Variants in FAM222A observed in about 807,000 individuals in gnomAD.
FAM222A encodes the protein protein FAM222A.
In FAM222A, 7 loss-of-function variants were observed where a neutral mutation model predicts 25.8. That is an observed-to-expected ratio of 0.27 (90% CI 0.15 to 0.51). The LOEUF (loss-of-function observed/expected upper bound fraction) is 0.51. Ranked by LOEUF, FAM222A falls within the 20% of genes least tolerant of loss-of-function variation. FAM222A has a pLI of 0.97. For missense variants in FAM222A, 573 were observed against 640.5 expected, an observed-to-expected ratio of 0.89 and a Z score of 1.14; for synonymous variants, 294 against 298.8, an observed-to-expected ratio of 0.98 and a Z score of 0.17.
At chr12:109,731,136 T>C (rs1887939239) in intron 1 of FAM222A, among the ~76,000 whole-genome samples, 1 of 152,146 alleles carries the variant, frequency 6.6e-6, no homozygotes, top group Admixed American at 6.5e-5. Context: ...GGTTTTTGCC[T>C]TAGCTGAGGT....
intron 1 of FAM222A, among the ~76,000 whole-genome samples, chr12:109,723,031 T>C (rs1887778499): frequency 6.6e-6 from 1 of 152,002 alleles, no homozygotes; most frequent in Non-Finnish European, 1.5e-5. Context: ...CAGGGCCTTA[T>C]TTCTTTTCAT....
rs530518665 is a variant in FAM222A at position 109,751,883 on chromosome 12, C to T, written c.82+7655C>T. Among the ~76,000 whole-genome samples, 3 of 152,260 alleles carry T rather than the reference C, an allele frequency of 2.0e-5. No homozygotes were observed. In the East Asian group the frequency reaches 5.8e-4, roughly 29 times the overall value. ...TCTCTGCTACTATTGGAAGCCTGTT[C>T]TTTTTTGTTTAGGGGTTTAGCAGCT... On this transcript the variant is annotated intron_variant, in intron 2 of 2. Coordinates refer to ENST00000538780, the MANE Select transcript of FAM222A (RefSeq NM_032829.3).
rs968718388 is a variant in FAM222A at position 109,756,804 on chromosome 12, T to C, written c.83-11208T>C. Among the ~76,000 whole-genome samples, 7 of 152,192 alleles carry C rather than the reference T, an allele frequency of 4.6e-5. 1 individual carries two copies. The highest frequency in any genetic ancestry group is 2.0e-4 in the Admixed American group (3 of 15,282). ...TTCATAATGGCTATATGGTCCATAG[T>C]TTTTTTGTGTGTAATATCTTTGTCT... is the stretch of plus-strand genomic sequence containing the variant. On this transcript the variant is annotated intron_variant, in intron 2 of 2. Transcript: ENST00000538780.
rs114229679 is a variant in FAM222A at position 109,743,590 on chromosome 12, G to A, written c.-46-511G>A. Among the ~76,000 whole-genome samples, 1,503 of 152,322 alleles carry A rather than the reference G, an allele frequency of 9.9e-3. 16 individuals are homozygous for A. The highest frequency in any genetic ancestry group is 0.035 in the African/African-American group (1,445 of 41,576). Reference sequence around the variant, plus strand: ...ATCCTGACATCTCCCCTCCAGGGGGGCTATGAGGATGCCCTGGGCGGGAGA... The same window carrying A: ...ATCCTGACATCTCCCCTCCAGGGGGACTATGAGGATGCCCTGGGCGGGAGA... On this transcript the variant is annotated intron_variant, in intron 1 of 2. Transcript: ENST00000538780.
At chr12:109,763,469 G>A (rs1269001328) in intron 2 of FAM222A, among the ~76,000 whole-genome samples, 1 of 152,216 alleles carries the variant, frequency 6.6e-6, no homozygotes, top group South Asian at 2.1e-4. Flanking sequence ...ATTGGCCAGG[G>A]CTGCACTCTC....
intron 1 of FAM222A, among the ~76,000 whole-genome samples, chr12:109,722,147 G>A (rs185317322): frequency 5.2e-4 from 79 of 152,336 alleles, no homozygotes; most frequent in African/African-American, 1.4e-3. Context: ...CGTCCGGGTG[G>A]AGGGAACAGC....
intron 2 of FAM222A, among the ~76,000 whole-genome samples, chr12:109,767,021 AAGTAGCT>A (rs1447953326): frequency 6.6e-6 from 1 of 151,030 alleles, no homozygotes; most frequent in Non-Finnish European, 1.5e-5. Context: ...TCAGCCTCCA[AAGTAGCT>A]AGGACTATAG....
chr12:109,745,793 A>G (rs1416172134), intron 2 of FAM222A, among the ~76,000 whole-genome samples: 1 of 152,196 alleles, frequency 6.6e-6, no homozygotes, highest in Non-Finnish European at 1.5e-5. Flanking sequence ...GGTGTGAGCC[A>G]CTGCACCTGG....
intron 2 of FAM222A, among the ~76,000 whole-genome samples, chr12:109,747,194 A>C (rs1888425385): frequency 6.6e-6 from 1 of 152,168 alleles, no homozygotes; most frequent in Non-Finnish European, 1.5e-5. Context: ...CCCAGGTTCA[A>C]GTGATTCTCC....
chr12:109,718,674 G>T (rs1887693682), intron 1 of FAM222A, among the ~76,000 whole-genome samples: 1 of 152,248 alleles, frequency 6.6e-6, no homozygotes, highest in Non-Finnish European at 1.5e-5. Context: ...CGCGGGAGGA[G>T]GGCTGCGGTG....
intron 1 of FAM222A, among the ~76,000 whole-genome samples, chr12:109,727,626 C>T (rs896516853): frequency 3.3e-5 from 5 of 152,168 alleles, no homozygotes; most frequent in African/African-American, 7.2e-5. Flanking sequence ...CTGAGGTTCA[C>T]GGAGGACAGG....
At chr12:109,721,244 T>C (rs1172936105) in intron 1 of FAM222A, among the ~76,000 whole-genome samples, 3 of 152,230 alleles carry the variant, frequency 2.0e-5, no homozygotes, top group Non-Finnish European at 4.4e-5. Context: ...GCCTCTTCAC[T>C]GCCTGTAAGG....
chr12:109,752,386 C>A (rs1247614455), intron 2 of FAM222A, among the ~76,000 whole-genome samples: 1 of 152,274 alleles, frequency 6.6e-6, no homozygotes, highest in Non-Finnish European at 1.5e-5. Context: ...CCTGCTGCTG[C>A]CAATCAGTGC....
chr12:109,725,060 T>G (rs1887815416), intron 1 of FAM222A, among the ~76,000 whole-genome samples: 1 of 151,958 alleles, frequency 6.6e-6, no homozygotes, highest in Non-Finnish European at 1.5e-5. Context: ...CAAGGCCATA[T>G]AGCTGAAAAG....
intron 1 of FAM222A, among the ~76,000 whole-genome samples, chr12:109,728,041 C>G (rs980393713): frequency 1.3e-5 from 2 of 152,174 alleles, no homozygotes; most frequent in African/African-American, 4.8e-5. Context: ...GAGAACCCGC[C>G]CCAGGGGCAC....
At chr12:109,750,418 C>T (rs1383966977) in intron 2 of FAM222A, among the ~76,000 whole-genome samples, 2 of 152,232 alleles carry the variant, frequency 1.3e-5, no homozygotes, top group Non-Finnish European at 2.9e-5. Context: ...GCAGTCCCAG[C>T]ACTTTGGGAG....
chr12:109,769,407 C>T lies in FAM222A; in HGVS notation c.*119C>T, dbSNP rs1232605100. Reference sequence around the variant, plus strand: ...CCCACCCTGTGCCTGCTGATGCCCACAGGGGAGCCAGGCTGGCTGCCGCCT... The same window carrying T: ...CCCACCCTGTGCCTGCTGATGCCCATAGGGGAGCCAGGCTGGCTGCCGCCT... On this transcript the variant is annotated 3_prime_UTR_variant, in exon 3 of 3. Coordinates refer to ENST00000538780, the MANE Select transcript of FAM222A (RefSeq NM_032829.3). 1.6e-5 allele frequency: 20 copies of T among 1,272,314 alleles called. No individual in the cohort carries two copies. Among genetic ancestry groups the T allele is most frequent in the African/African-American group, 3.0e-5 (2 of 66,472 alleles). 78.8% of individuals were successfully genotyped at this position (1,272,314 alleles called of 1,614,324 possible). A position where few individuals can be genotyped will look rare whatever the true frequency, so the allele number is the denominator to read the frequency against.
chr12:109,748,708 C>T (rs1888475098), intron 2 of FAM222A, among the ~76,000 whole-genome samples: 1 of 152,000 alleles, frequency 6.6e-6, no homozygotes, highest in African/African-American at 2.4e-5. Flanking sequence ...TGAGTTCACC[C>T]TTATTTCTTA....
chr12:109,731,217 A>AG (rs1433113194), intron 1 of FAM222A, among the ~76,000 whole-genome samples: 1 of 152,012 alleles, frequency 6.6e-6, no homozygotes, highest in Non-Finnish European at 1.5e-5. Flanking sequence ...CTGGAGAATG[A>AG]GGGCTACTAG....
Sources: allele counts gnomAD v4.1 joint callset (sites outside exome capture counted in the v4.1 genomes callset), GRCh38; gene constraint gnomAD v4.1.1; transcripts MANE v1.5; gene names NCBI Gene and HGNC (gene_info 2026-07-23, HGNC 2026-07-21).